Variants in SAMD12 observed in about 807,000 individuals in gnomAD.
SAMD12 encodes sterile alpha motif domain-containing protein 12.
Under a neutral mutation model 15.0 loss-of-function variants are expected in SAMD12, and 9 were observed. The observed-to-expected ratio is 0.60, with a 90% CI of 0.36 to 1.05. SAMD12 has a LOEUF of 1.05. SAMD12 is among the 50% of genes least tolerant of loss of function. The pLI is 0.01. For missense variants in SAMD12, 230 were observed against 234.2 expected (o/e 0.98, Z 0.12); for synonymous variants, 86 against 90.1 (o/e 0.96, Z 0.25).
intron 2 of SAMD12, among the ~76,000 whole-genome samples, chr8:118,518,174 A>T (rs1269050222): frequency 6.6e-6 from 1 of 152,224 alleles, no homozygotes; most frequent in Non-Finnish European, 1.5e-5. Context: ...GGCATAAGTC[A>T]TATGCCTACC....
intron 4 of SAMD12, among the ~76,000 whole-genome samples, chr8:118,285,135 TTTC>T (rs1040702875): frequency 4.6e-5 from 7 of 151,832 alleles, no homozygotes; most frequent in Non-Finnish European, 8.8e-5. Flanking sequence ...TTGGCCACGT[TTTC>T]TTTCTTTCTT....
chr8:118,609,445 C>T (rs1828055258), intron 1 of SAMD12, among the ~76,000 whole-genome samples: 1 of 152,170 alleles, frequency 6.6e-6, no homozygotes, highest in South Asian at 2.1e-4. Context: ...AGGAAGATTC[C>T]TAAGGGGAAG....
chr8:118,181,591 T>G, the SAMD12 span, among the ~76,000 whole-genome samples: 1 of 152,206 alleles, frequency 6.6e-6, no homozygotes, highest in Non-Finnish European at 1.5e-5. Flanking sequence ...TCTTTCTGCA[T>G]AAGGCTGGGA....
At chr8:118,438,364 G>C (rs545368362) in intron 3 of SAMD12, among the ~76,000 whole-genome samples, 27 of 152,110 alleles carry the variant, frequency 1.8e-4, no homozygotes, top group African/African-American at 6.5e-4. Context: ...AGGAATCTAG[G>C]ATCATCTAGC....
At chr8:118,291,891 C>G (rs1469274113) in intron 4 of SAMD12, among the ~76,000 whole-genome samples, 1 of 151,030 alleles carries the variant, frequency 6.6e-6, no homozygotes, top group African/African-American at 2.4e-5. Context: ...ATTGCCAACA[C>G]CCTGTTAGGC....
chr8:118,137,926 A>AT, the SAMD12 span, among the ~76,000 whole-genome samples: 133,113 of 149,012 alleles, frequency 0.89, 59,802 homozygotes, highest in Non-Finnish European at 0.95. Context: ...ATGAGAAAGC[A>AT]TTTTTTTTTT....
Position 118,379,043 on chromosome 8 carries a change from A to G in SAMD12, c.*374T>C, listed in dbSNP as rs754973243. On this transcript the variant is annotated 3_prime_UTR_variant, in exon 4 of 4. Transcript: ENST00000314727. ...ATAATACATTCATGTATAGTAATAC[A>G]TATCTAAAATGTTTTTCTCCCACTA... 1.0e-4 allele frequency: 105 copies of G among 1,033,524 alleles called. No homozygotes were observed. The highest frequency in any genetic ancestry group is 1.2e-4 in the Non-Finnish European group (100 of 856,830). The allele number at this position is 1,033,524 out of a possible 1,614,324, so 64.0% of individuals were successfully genotyped here.
At chr8:118,412,143 G>A (rs1349289297) in intron 3 of SAMD12, among the ~76,000 whole-genome samples, 2 of 152,184 alleles carry the variant, frequency 1.3e-5, no homozygotes, top group East Asian at 1.9e-4. Context: ...GTAATGGGCC[G>A]TGATCATAGC....
chr8:118,619,234 A>G (rs2131330330), intron 1 of SAMD12, among the ~76,000 whole-genome samples: 1 of 152,050 alleles, frequency 6.6e-6, no homozygotes, highest in African/African-American at 2.4e-5. Context: ...ACTGAAGAGA[A>G]GGGCACTTCG....
the SAMD12 span, among the ~76,000 whole-genome samples, chr8:118,147,431 G>GCTCA: frequency 6.7e-6 from 1 of 149,486 alleles, no homozygotes; most frequent in African/African-American, 2.5e-5. Flanking sequence ...CGCAATCTTG[G>GCTCA]CTCACTGCAA....
intron 4 of SAMD12, among the ~76,000 whole-genome samples, chr8:118,294,691 A>C (rs1037470864): frequency 1.3e-5 from 2 of 152,246 alleles, no homozygotes; most frequent in African/African-American, 4.8e-5. Context: ...TGCAATATGC[A>C]GAGTATAAAT....
At chr8:118,376,706 G>A (rs1342868330), downstream of SAMD12, among the ~76,000 whole-genome samples, 2 of 152,162 alleles carry the variant, frequency 1.3e-5, no homozygotes, top group African/African-American at 4.8e-5. Context: ...GATAAGAACT[G>A]TGATTCACCC....
At position 118,411,665 on chromosome 8, in the gene SAMD12, A is replaced by G. The variant is rs114181850; in HGVS notation, c.322+28167T>C. On this transcript the variant is annotated intron_variant, in intron 3 of 3. Transcript: ENST00000314727. ...TCTTTGTCTAATAGAGTGAATTCCA[A>G]TAAGATTCCTGGAAAATCCACTAAG... 6.0e-3 allele frequency among the ~76,000 whole-genome samples: 918 copies of G among 152,318 alleles called. 18 individuals carry two copies. Among genetic ancestry groups the G allele is most frequent in the South Asian group, 0.019 (94 of 4,832 alleles).
intron 4 of SAMD12, among the ~76,000 whole-genome samples, chr8:118,210,629 C>T (rs1052037702): frequency 6.6e-6 from 1 of 152,192 alleles, no homozygotes; most frequent in African/African-American, 2.4e-5. Context: ...ATATTCCAGG[C>T]CATTCATGAT....
intron 4 of SAMD12, among the ~76,000 whole-genome samples, chr8:118,281,613 T>C (rs1813651342): frequency 6.6e-6 from 1 of 152,208 alleles, no homozygotes; most frequent in Non-Finnish European, 1.5e-5. Context: ...ACATGCCAGT[T>C]TTCCCTTTAA....
chr8:118,215,621 C>T (rs193193207), intron 4 of SAMD12, among the ~76,000 whole-genome samples: 3 of 151,842 alleles, frequency 2.0e-5, no homozygotes, highest in Non-Finnish European at 2.9e-5. Flanking sequence ...CCTCTCCCCC[C>T]ACCCCACCAC....
intron 4 of SAMD12, among the ~76,000 whole-genome samples, chr8:118,272,671 C>G (rs1181421916): frequency 3.3e-5 from 5 of 152,164 alleles, no homozygotes; most frequent in Non-Finnish European, 2.9e-5. Context: ...TCATCTCTCT[C>G]AAGTTCAAAG....
chr8:118,454,176 A>G (rs1823169509), intron 2 of SAMD12, among the ~76,000 whole-genome samples: 1 of 152,226 alleles, frequency 6.6e-6, no homozygotes. Context: ...CATGTCAGAA[A>G]AAGTCTTTAT....
chr8:118,427,523 C>T (rs1007089878), intron 3 of SAMD12, among the ~76,000 whole-genome samples: 1 of 152,134 alleles, frequency 6.6e-6, no homozygotes, highest in African/African-American at 2.4e-5. Flanking sequence ...CTTGCAAGTT[C>T]TAGAATTTCA....
Sources: gnomAD v4.1 joint callset for allele counts (sites outside exome capture counted in the v4.1 genomes callset) on GRCh38, gnomAD v4.1.1 for gene constraint, MANE v1.5 for transcripts, NCBI Gene and HGNC (gene_info 2026-07-23, HGNC 2026-07-21) for gene names.